Variants in CECR2 observed in about 807,000 individuals in gnomAD.
CECR2 encodes CECR2 histone acetyl-lysine reader.
In CECR2, 30 loss-of-function variants were observed where a neutral mutation model predicts 154.5. That is an observed-to-expected ratio of 0.19 (90% confidence interval 0.15 to 0.26). CECR2 has a LOEUF of 0.26. Ranked by LOEUF, CECR2 falls within the 10% of genes least tolerant of loss-of-function variation. CECR2 has a pLI of 1.00. For synonymous variants in CECR2, 725 were observed against 683.7 expected, an observed-to-expected ratio of 1.06 and a Z score of -0.94; for missense variants, 1,743 against 1,829.3, an observed-to-expected ratio of 0.95 and a Z score of 0.86.
At chr22:17,423,650 G>A (rs1052236536) in intron 1 of CECR2, among the ~76,000 whole-genome samples, 5 of 152,256 alleles carry the variant, frequency 3.3e-5, no homozygotes, top group African/African-American at 1.2e-4. Flanking sequence ...GTAAATCTTA[G>A]AAGAATTGCC....
chr22:17,478,810 T>C (rs2055255864), intron 2 of CECR2, among the ~76,000 whole-genome samples: 1 of 152,202 alleles, frequency 6.6e-6, no homozygotes, highest in Non-Finnish European at 1.5e-5. Flanking sequence ...GGGAGAGTTA[T>C]TGCTCGTGCA....
chr22:17,518,410 G>A (rs1011440531), intron 8 of CECR2, among the ~76,000 whole-genome samples: 1 of 152,174 alleles, frequency 6.6e-6, no homozygotes, highest in African/African-American at 2.4e-5. Flanking sequence ...TCTTCTCCCT[G>A]TCAAGTAAAA....
At chr22:17,467,914 A>G (rs2146758765) in intron 1 of CECR2, among the ~76,000 whole-genome samples, 2 of 152,352 alleles carry the variant, frequency 1.3e-5, no homozygotes, top group East Asian at 3.9e-4. Flanking sequence ...ATCTTTTGAG[A>G]CCATGAGCTG....
chr22:17,367,353 T>C (rs1461770248), upstream of CECR2, among the ~76,000 whole-genome samples: 1 of 152,000 alleles, frequency 6.6e-6, no homozygotes, highest in East Asian at 1.9e-4. Flanking sequence ...TGACAAAAGA[T>C]AAAGGCAGGG....
chr22:17,425,650 C>T (rs2054318730), intron 1 of CECR2, among the ~76,000 whole-genome samples: 1 of 152,084 alleles, frequency 6.6e-6, no homozygotes, highest in African/African-American at 2.4e-5. Flanking sequence ...TTAGCTTGGG[C>T]AGAGTTGATG....
At chr22:17,401,404 G>A (rs1485030014) in intron 1 of CECR2, among the ~76,000 whole-genome samples, 1 of 152,140 alleles carries the variant, frequency 6.6e-6, no homozygotes, top group Admixed American at 6.6e-5. Flanking sequence ...ACGTCAAGAC[G>A]AACATGTCCG....
chr22:17,388,370 C>G (rs1327950308), intron 1 of CECR2, among the ~76,000 whole-genome samples: 1 of 152,194 alleles, frequency 6.6e-6, no homozygotes, highest in East Asian at 1.9e-4. Context: ...CTGTTTAATT[C>G]CCCCATGAGG....
At chr22:17,488,326 C>T (rs975345121) in intron 2 of CECR2, among the ~76,000 whole-genome samples, 4 of 152,078 alleles carry the variant, frequency 2.6e-5, no homozygotes, top group Non-Finnish European at 4.4e-5. Context: ...CTGTTAAGTA[C>T]GTTCATCGTG....
chr22:17,476,959 G>A, intron 1 of CECR2: 1 of 533,490 alleles, frequency 1.9e-6, no homozygotes. Flanking sequence ...TGAACCCCAA[G>A]GAAAGCAAAG....
chr22:17,416,288 TC>T (rs2054155688), intron 1 of CECR2, among the ~76,000 whole-genome samples: 1 of 152,266 alleles, frequency 6.6e-6, no homozygotes, highest in South Asian at 2.1e-4. Flanking sequence ...ATTTGGAATT[TC>T]TTTTTGCTTT....
chr22:17,503,367 A>T (rs2055775307), intron 6 of CECR2, among the ~76,000 whole-genome samples: 1 of 152,176 alleles, frequency 6.6e-6, no homozygotes. Flanking sequence ...TTTACTGGGG[A>T]CAGTGTAATA....
At chr22:17,463,160 C>T (rs990134938) in intron 1 of CECR2, among the ~76,000 whole-genome samples, 2 of 152,084 alleles carry the variant, frequency 1.3e-5, no homozygotes, top group African/African-American at 2.4e-5. Flanking sequence ...ATGCCCCAGC[C>T]GGGAGTGCTG....
At chr22:17,508,783 T>C (rs1412623562) in intron 7 of CECR2, among the ~76,000 whole-genome samples, 1 of 152,196 alleles carries the variant, frequency 6.6e-6, no homozygotes, top group Admixed American at 6.6e-5. Flanking sequence ...TCTCAAAATA[T>C]ATCCTCATTG....
At chr22:17,447,245 T>G (rs991060358) in intron 1 of CECR2, among the ~76,000 whole-genome samples, 1 of 150,410 alleles carries the variant, frequency 6.6e-6, no homozygotes, top group African/African-American at 2.5e-5. Flanking sequence ...CTCCGCCTCC[T>G]GGGTTCTCGC....
chr22:17,428,629 C>T (rs1461524669), intron 1 of CECR2: 3 of 151,950 alleles, frequency 2.0e-5, no homozygotes, highest in African/African-American at 7.3e-5. Context: ...AATACTGTTT[C>T]TTTTTCTTTC....
chr22:17,454,868 T>G (rs2054829878), intron 1 of CECR2, among the ~76,000 whole-genome samples: 1 of 152,188 alleles, frequency 6.6e-6, no homozygotes, highest in African/African-American at 2.4e-5. Context: ...AAATTTAATT[T>G]CCTCAGCAAG....
intron 5 of CECR2, among the ~76,000 whole-genome samples, chr22:17,502,532 G>T (rs753509000): frequency 6.6e-6 from 1 of 152,146 alleles, no homozygotes. Flanking sequence ...GGCTGGGCAC[G>T]GTGGCTCACG....
rs761062236 is a variant in CECR2 at position 17,511,911 on chromosome 22, G to C, written c.954+15G>C. The C allele has an allele frequency of 1.9e-6, 3 of 1,581,310 alleles. No individual in the cohort carries two copies. In the Admixed American group the frequency reaches 5.3e-5, roughly 28 times the overall value. ...TCAAGCAAGAGGTGAGTGTGGGTGA[G>C]AGTAGCGAGGAGGAGCTTTCCTGAT... On this transcript the variant is annotated intron_variant, in intron 8 of 18. Transcript: ENST00000262608.
At chr22:17,509,023 G>A (rs538590003) in intron 7 of CECR2, among the ~76,000 whole-genome samples, 1 of 152,178 alleles carries the variant, frequency 6.6e-6, no homozygotes, top group African/African-American at 2.4e-5. Flanking sequence ...GGCCGAGGCG[G>A]GTGGATCACC....
Sources: gnomAD v4.1 joint callset for allele counts (sites outside exome capture counted in the v4.1 genomes callset) on GRCh38, gnomAD v4.1.1 for gene constraint, MANE v1.5 for transcripts, NCBI Gene and HGNC (gene_info 2026-07-23, HGNC 2026-07-21) for gene names.